The following VPS13B variants were observed in gnomAD, a reference collection of about 807,000 sequenced individuals.
VPS13B encodes intermembrane lipid transfer protein VPS13B.
Under a neutral mutation model 426.4 loss-of-function variants are expected in VPS13B, and 285 were observed. That is an observed-to-expected ratio of 0.67 (90% confidence interval 0.61 to 0.74). The LOEUF is 0.74. Ranked by LOEUF, VPS13B falls within the 30% of genes least tolerant of loss-of-function variation. VPS13B has a pLI of 0.00. For synonymous variants in VPS13B, 1,676 were observed against 1,676.4 expected (o/e 1.00, Z 0.01); for missense variants, 4,537 against 4,782.6 (o/e 0.95, Z 1.51).
chr8:99,378,418 G>A (rs755362743), intron 19 of VPS13B, among the ~76,000 whole-genome samples: 1 of 152,006 alleles, frequency 6.6e-6, no homozygotes, highest in South Asian at 2.1e-4. Flanking sequence ...GTCCTGAGGC[G>A]ACATACATCC....
rs573759521 is a variant in VPS13B at position 99,612,682 on chromosome 8, G to GGA, written c.5221-29127_5221-29126dup. 3.8e-3 allele frequency among the ~76,000 whole-genome samples: 578 copies of GGA among 152,166 alleles called. 3 individuals are homozygous for GGA. Among genetic ancestry groups the GGA allele is most frequent in the Non-Finnish European group, 5.3e-3 (358 of 67,988 alleles). On this transcript the variant is annotated intron_variant, in intron 33 of 61. Coordinates refer to ENST00000357162, the MANE Select transcript of VPS13B (RefSeq NM_152564.5). ...ACAGAAACCTGTGTAGTTCTCATTT[G>GGA]GAGTGGGAATACAGTTGTTTGGAAA...
At chr8:99,145,476 C>G (rs527789567) in intron 13 of VPS13B, among the ~76,000 whole-genome samples, 22 of 152,164 alleles carry the variant, frequency 1.4e-4, no homozygotes, top group Middle Eastern at 6.8e-3. Flanking sequence ...TCTCCTCCCT[C>G]TTTTCCAGGG....
intron 33 of VPS13B, among the ~76,000 whole-genome samples, chr8:99,626,749 A>G (rs1023448131): frequency 6.6e-6 from 1 of 152,238 alleles, no homozygotes; most frequent in Non-Finnish European, 1.5e-5. Flanking sequence ...AACTAAAAAT[A>G]GAACTATCAT....
At position 99,501,854 on chromosome 8, in the gene VPS13B, C is replaced by G. The variant is rs1821248178; in HGVS notation, c.4038C>G (p.Gly1346=). ...KLFAPDPENK[G]TEVCMVSELE... ...TTGCTCCAGATCCTGAAAATAAAGG[C>G]ACAGGTACAGGATTCCTTTTCTTTC... Residue 1346 remains glycine (G), a synonymous_variant, in exon 26 of 62, where the codon GGC becomes GGG. Coordinates refer to ENST00000357162, the MANE Select transcript of VPS13B (RefSeq NM_152564.5). The G allele has an allele frequency of 1.9e-6, 3 of 1,613,626 alleles. No individual in the cohort carries two copies. The highest frequency in any genetic ancestry group is 2.5e-6 in the Non-Finnish European group (3 of 1,179,950).
At position 99,753,438 on chromosome 8, in the gene VPS13B, CAGTT is replaced by C. The variant is rs549268217; in HGVS notation, c.7051-13333_7051-13330del. ...GATACAAATAAGTAAAATATCTGAA[CAGTT>C]AGAAATGAGACTAAAACATAATATG... is the stretch of plus-strand genomic sequence containing the variant. On this transcript the variant is annotated intron_variant, in intron 39 of 61. Transcript: ENST00000357162. 1.6e-3 allele frequency among the ~76,000 whole-genome samples: 251 copies of C among 152,208 alleles called. 2 individuals carry two copies. The highest frequency in any genetic ancestry group is 4.4e-3 in the South Asian group (21 of 4,826).
chr8:99,530,696 C>A (rs979196131), intron 30 of VPS13B, among the ~76,000 whole-genome samples: 1 of 151,842 alleles, frequency 6.6e-6, no homozygotes, highest in South Asian at 2.1e-4. Context: ...TCCTTTGTGT[C>A]AAAGATTCTG....
At chr8:99,203,577 C>G (rs566323739) in intron 17 of VPS13B, among the ~76,000 whole-genome samples, 2 of 152,304 alleles carry the variant, frequency 1.3e-5, no homozygotes, top group South Asian at 2.1e-4. Flanking sequence ...CAGATTGTCT[C>G]TCTTTGCAGA....
At chr8:99,633,822 T>TGTGTGC (rs1211914537) in intron 33 of VPS13B, among the ~76,000 whole-genome samples, 3 of 151,430 alleles carry the variant, frequency 2.0e-5, no homozygotes. Flanking sequence ...TGTGTGTGTG[T>TGTGTGC]GTGTGTGTGT....
chr8:99,764,341 C>T (rs1163138748), intron 39 of VPS13B, among the ~76,000 whole-genome samples: 2 of 151,736 alleles, frequency 1.3e-5, no homozygotes, highest in Non-Finnish European at 2.9e-5. Context: ...AGGATTAACC[C>T]ACATGTTCTC....
chr8:99,702,196 T>TAGTTTTCA (rs1209427719), intron 36 of VPS13B, among the ~76,000 whole-genome samples: 1 of 152,206 alleles, frequency 6.6e-6, no homozygotes, highest in Non-Finnish European at 1.5e-5. Flanking sequence ...TTTCTTTTTG[T>TAGTTTTCA]AGTTTTCAAG....
At chr8:99,264,825 C>T (rs913312824) in intron 17 of VPS13B, among the ~76,000 whole-genome samples, 8 of 151,860 alleles carry the variant, frequency 5.3e-5, no homozygotes, top group Admixed American at 1.3e-4. Context: ...TGATTATTTT[C>T]CCCATTTTCT....
At chr8:99,335,305 C>T (rs1810779056) in intron 19 of VPS13B, among the ~76,000 whole-genome samples, 1 of 152,076 alleles carries the variant, frequency 6.6e-6, no homozygotes, top group African/African-American at 2.4e-5. Context: ...TATCAAAAAA[C>T]CAGCTCCTGG....
chr8:99,325,737 A>C (rs1288823171), intron 19 of VPS13B, among the ~76,000 whole-genome samples: 1 of 67,068 alleles, frequency 1.5e-5, no homozygotes, highest in Non-Finnish European at 3.2e-5. Context: ...AAAAAAGATC[A>C]CTTTTGGGAT....
intron 39 of VPS13B, among the ~76,000 whole-genome samples, chr8:99,758,922 C>A (rs1810774963): frequency 1.3e-5 from 2 of 152,176 alleles, no homozygotes; most frequent in South Asian, 4.1e-4. Context: ...CTCTCACGTT[C>A]TTTTTGTCTC....
chr8:99,558,815 G>C (rs1384047674), intron 31 of VPS13B, among the ~76,000 whole-genome samples: 2 of 152,302 alleles, frequency 1.3e-5, no homozygotes, highest in African/African-American at 2.4e-5. Context: ...ATCATTGATG[G>C]ACATTTGGGT....
chr8:99,478,457 T>TTTG (rs1819843220), intron 24 of VPS13B, among the ~76,000 whole-genome samples: 1 of 129,644 alleles, frequency 7.7e-6, no homozygotes, highest in African/African-American at 3.1e-5. Flanking sequence ...GTTTTTTTTT[T>TTTG]TTTTTTTTGT....
rs1271489376 is a variant in VPS13B, at chr8:99,716,427, G to A, written c.6455-744G>A. Among the ~76,000 whole-genome samples the A allele has an allele frequency of 2.0e-5, 3 of 152,118 alleles. No homozygotes were observed. In the East Asian group the frequency reaches 5.8e-4, roughly 29 times the overall value. On this transcript the variant is annotated intron_variant, in intron 36 of 61. Coordinates refer to ENST00000357162, the MANE Select transcript of VPS13B (RefSeq NM_152564.5). ...ACAATTTAGAATATGAGCTCCTTGG[G>A]AGGAAAGTTAACTCACCACTCTTAA...
chr8:99,782,886 G>T (rs919509416), intron 42 of VPS13B, among the ~76,000 whole-genome samples: 2 of 152,018 alleles, frequency 1.3e-5, no homozygotes, highest in African/African-American at 4.8e-5. Flanking sequence ...GAGTACTTTG[G>T]TCTCACTTAG....
chr8:99,177,756 A>G (rs1425051811), intron 16 of VPS13B, among the ~76,000 whole-genome samples: 1 of 152,232 alleles, frequency 6.6e-6, no homozygotes, highest in Admixed American at 6.5e-5. Flanking sequence ...ATGAGCATTT[A>G]CAACTCATTC....
Sources: gnomAD v4.1 joint callset for allele counts (sites outside exome capture counted in the v4.1 genomes callset) on GRCh38, gnomAD v4.1.1 for gene constraint, MANE v1.5 for transcripts, NCBI Gene and HGNC (gene_info 2026-07-23, HGNC 2026-07-21) for gene names.